The following FRMD3 variants were observed in gnomAD, a reference collection of about 807,000 sequenced individuals.
The protein encoded by FRMD3 is FERM domain-containing protein 3.
FRMD3 carries 33 observed loss-of-function variants against 70.2 expected under a neutral mutation model. The observed-to-expected ratio is 0.47, with a 90% confidence interval of 0.36 to 0.63. The LOEUF (loss-of-function observed/expected upper bound fraction) is 0.63. Ranked by LOEUF, FRMD3 falls within the 20% of genes least tolerant of loss-of-function variation. The pLI is 0.00. For missense variants in FRMD3, 632 were observed against 711.4 expected (o/e 0.89, Z 1.27); for synonymous variants, 279 against 255.9 (o/e 1.09, Z -0.86).
chr9:83,449,943 C>T (rs1048479133), intron 1 of FRMD3, among the ~76,000 whole-genome samples: 1 of 152,188 alleles, frequency 6.6e-6, no homozygotes, highest in African/African-American at 2.4e-5. Context: ...ACTTGAAGCA[C>T]TTAACTGGGT....
chr9:83,362,827 CT>C (rs1824644939), intron 3 of FRMD3, among the ~76,000 whole-genome samples: 1 of 134,590 alleles, frequency 7.4e-6, no homozygotes, highest in African/African-American at 2.7e-5. Flanking sequence ...TCCCTCCTTC[CT>C]TCCCTCCCTC....
intron 5 of FRMD3, among the ~76,000 whole-genome samples, chr9:83,339,072 T>C (rs572498434): frequency 1.3e-5 from 2 of 152,276 alleles, no homozygotes; most frequent in East Asian, 3.9e-4. Context: ...GAGTGGTTGG[T>C]GAGGGAGGGC....
At chr9:83,293,558 T>C (rs1834532805) in intron 12 of FRMD3, among the ~76,000 whole-genome samples, 1 of 152,204 alleles carries the variant, frequency 6.6e-6, no homozygotes, top group Non-Finnish European at 1.5e-5. Context: ...ATTCTGTAGC[T>C]GGAGATACCA....
At chr9:83,458,110 T>C (rs1206180012) in intron 1 of FRMD3, among the ~76,000 whole-genome samples, 1 of 151,974 alleles carries the variant, frequency 6.6e-6, no homozygotes, top group Non-Finnish European at 1.5e-5. Flanking sequence ...ACTGGCTCCT[T>C]GTCTATTAAA....
chr9:83,254,377 T>C (rs975177723), intron 13 of FRMD3, among the ~76,000 whole-genome samples: 7 of 151,790 alleles, frequency 4.6e-5, no homozygotes, highest in African/African-American at 7.3e-5. Context: ...GTTGTAAGAA[T>C]TGCACAATAA....
intron 13 of FRMD3, among the ~76,000 whole-genome samples, chr9:83,266,583 G>A (rs1282039345): frequency 6.6e-6 from 1 of 152,116 alleles, no homozygotes; most frequent in Non-Finnish European, 1.5e-5. Context: ...GGATAAAAGT[G>A]GTGCTCCGCC....
Position 83,265,022 on chromosome 9 carries a change from G to C in FRMD3, c.1196-16506C>G, listed in dbSNP as rs531859240. On this transcript the variant is annotated intron_variant, in intron 13 of 13. Coordinates refer to ENST00000304195, the MANE Select transcript of FRMD3 (RefSeq NM_174938.6). ...GGAAACACTTTTATAATCTTGGCAT[G>C]GGGAAAACTAACATAAAAACAGAAA... Among the ~76,000 whole-genome samples, 4 of 152,240 alleles carry C rather than the reference G, an allele frequency of 2.6e-5. No homozygotes were observed. In the East Asian group the frequency reaches 7.7e-4, roughly 29 times the overall value.
At chr9:83,403,707 T>A (rs1287584616) in intron 1 of FRMD3, among the ~76,000 whole-genome samples, 1 of 152,212 alleles carries the variant, frequency 6.6e-6, no homozygotes, top group Non-Finnish European at 1.5e-5. Context: ...TGCAAATTAC[T>A]GAGCACTAAC....
the FRMD3 span, among the ~76,000 whole-genome samples, chr9:83,556,098 T>C: frequency 6.6e-6 from 1 of 152,254 alleles, no homozygotes; most frequent in Admixed American, 6.5e-5. Context: ...TTCCTTTCCA[T>C]GACAGCCACA....
At chr9:83,251,185 T>C (rs1046632484) in intron 13 of FRMD3, among the ~76,000 whole-genome samples, 9 of 152,198 alleles carry the variant, frequency 5.9e-5, no homozygotes, top group African/African-American at 1.9e-4. Context: ...TGCTGTTTCA[T>C]AGCCTTCACT....
chr9:83,267,254 T>C, intron 13 of FRMD3: 10 of 1,508,894 alleles, frequency 6.6e-6, no homozygotes, highest in Non-Finnish European at 8.9e-6. Context: ...GAATCAAATG[T>C]CAGGTTCCTA....
intron 13 of FRMD3, among the ~76,000 whole-genome samples, chr9:83,252,652 C>T (rs1832485083): frequency 6.6e-6 from 1 of 151,770 alleles, no homozygotes; most frequent in Non-Finnish European, 1.5e-5. Flanking sequence ...CACATAGGCT[C>T]AAAATAAAGG....
Position 83,283,520 on chromosome 9 carries a change from G to A in FRMD3, c.1195+7083C>T, listed in dbSNP as rs1834055861. On this transcript the variant is annotated intron_variant, in intron 13 of 13. Transcript: ENST00000304195. Reference sequence around the variant, plus strand: ...CACTCCAGCCTGGGCGACAGAGCGAGAATCCATCTCAAAAAAAAAAAAAAA... The same window carrying A: ...CACTCCAGCCTGGGCGACAGAGCGAAAATCCATCTCAAAAAAAAAAAAAAA... Among the ~76,000 whole-genome samples the A allele has an allele frequency of 2.4e-5, 3 of 125,368 alleles. No homozygotes were observed. The South Asian group carries it at 8.2e-4, about 34-fold the overall frequency. The allele number at this position is 125,368 out of a possible 152,430, so 82.2% of individuals were successfully genotyped here. A position where few individuals can be genotyped will look rare whatever the true frequency, so the allele number is the denominator to read the frequency against.
intron 1 of FRMD3, chr9:83,467,746 A>T: frequency 6.6e-7 from 1 of 1,512,036 alleles, no homozygotes; most frequent in South Asian, 1.2e-5. Context: ...TAGGGCTCCA[A>T]TCTAAGCTCG....
intron 3 of FRMD3, among the ~76,000 whole-genome samples, chr9:83,355,266 T>A (rs114905279): frequency 0.037 from 5,642 of 152,288 alleles, 349 homozygotes; most frequent in African/African-American, 0.13. Flanking sequence ...TGGTGCAGAA[T>A]CAGTACAGGA....
intron 2 of FRMD3, among the ~76,000 whole-genome samples, chr9:83,375,584 T>C (rs1825116865): frequency 6.6e-6 from 1 of 152,240 alleles, no homozygotes; most frequent in Admixed American, 6.5e-5. Flanking sequence ...TTCAACTTGT[T>C]AGTATTCATT....
intron 1 of FRMD3, among the ~76,000 whole-genome samples, chr9:83,516,061 C>A (rs1829448398): frequency 6.6e-6 from 1 of 152,126 alleles, no homozygotes; most frequent in Admixed American, 6.5e-5. Context: ...ACTGCAACAA[C>A]TAATGGGCAA....
At chr9:83,425,924 A>AAG (rs909465152) in intron 1 of FRMD3, among the ~76,000 whole-genome samples, 2 of 151,092 alleles carry the variant, frequency 1.3e-5, no homozygotes, top group East Asian at 3.9e-4. Flanking sequence ...AAAAAAAAAA[A>AAG]AAAACAACCT....
chr9:83,479,431 A>AGGGAAG (rs1828480875), intron 1 of FRMD3, among the ~76,000 whole-genome samples: 1 of 55,622 alleles, frequency 1.8e-5, no homozygotes, highest in Non-Finnish European at 3.9e-5. Context: ...AAGGAGGGAA[A>AGGGAAG]GAAGGAAGGA....
Sources: gnomAD v4.1 joint callset for allele counts (sites outside exome capture counted in the v4.1 genomes callset) on GRCh38, gnomAD v4.1.1 for gene constraint, MANE v1.5 for transcripts, NCBI Gene and HGNC (gene_info 2026-07-23, HGNC 2026-07-21) for gene names.